The following DNAAF6 variants were observed in gnomAD, a reference collection of about 807,000 sequenced individuals.
The protein encoded by DNAAF6 is PIH1 domain containing 3.
In DNAAF6, 3 loss-of-function variants were observed where a neutral mutation model predicts 13.7. The observed-to-expected ratio is 0.22, with a 90% CI of 0.10 to 0.56. DNAAF6 has a LOEUF of 0.56. Among genes scored for constraint, DNAAF6 ranks in the 20% least tolerant of loss-of-function variants. The pLI is 0.92. For synonymous variants in DNAAF6, 54 were observed against 49.2 expected (o/e 1.10, Z -0.41); for missense variants, 130 against 151.0 (o/e 0.86, Z 0.73).
At position 107,212,982 on chromosome X, in the gene DNAAF6, C is replaced by A; in HGVS notation, c.107C>A (p.Ser36Tyr). The change falls in exon 2 of 7, where the codon TCT (serine) becomes TAT (tyrosine). Residue 36 changes from serine to tyrosine, a missense_variant. Transcript: ENST00000372453. ...TCAGTTACAGCTCTGGAAGCCCTCT[C>A]TAAGCTACTTAATCCTGAAGAAGAG... is the stretch of plus-strand genomic sequence containing the variant. ...VSSVTALEALSKLLNPEEEDD... is the reference protein window; with the variant it reads ...VSSVTALEALYKLLNPEEEDD... 8.3e-7 allele frequency: 1 copy of A among 1,206,996 alleles called. No individual in the cohort carries two copies. Among genetic ancestry groups the A allele is most frequent in the Non-Finnish European group, 1.1e-6 (1 of 893,637 alleles).
At chrX:107,215,261 A>G (rs1240127979) in intron 2 of DNAAF6, among the ~76,000 whole-genome samples, 2 of 111,318 alleles carry the variant, frequency 1.8e-5, no homozygotes, top group Non-Finnish European at 3.8e-5. Context: ...CTGTCCATGG[A>G]AAGTATACCA....
chrX:107,211,303 CA>C (rs774805311), intron 1 of DNAAF6, among the ~76,000 whole-genome samples: 19 of 111,864 alleles, frequency 1.7e-4, no homozygotes, highest in Non-Finnish European at 3.4e-4. Context: ...TATCAAAATA[CA>C]ATATCAACAA....
intron 5 of DNAAF6, among the ~76,000 whole-genome samples, chrX:107,230,581 G>C (rs953221655): frequency 3.6e-5 from 4 of 112,046 alleles, no homozygotes; most frequent in African/African-American, 1.3e-4. Context: ...TACTTGGGAG[G>C]CTGAGGCAGG....
At chrX:107,223,220 T>C (rs761212294) in intron 5 of DNAAF6, among the ~76,000 whole-genome samples, 1 of 111,854 alleles carries the variant, frequency 8.9e-6, no homozygotes, top group South Asian at 3.7e-4. Context: ...CAGAATGAAG[T>C]ATCTCCTTCC....
At chrX:107,218,430 T>C (rs188315467) in intron 3 of DNAAF6, among the ~76,000 whole-genome samples, 1 of 111,785 alleles carries the variant, frequency 8.9e-6, no homozygotes, top group African/African-American at 3.2e-5. Flanking sequence ...TCAGATTGAT[T>C]GTAGTTGTAA....
At chrX:107,218,834 G>A in intron 3 of DNAAF6, 30 bp from the exon 4 acceptor site, 18 of 1,165,432 alleles carry the variant, frequency 1.5e-5, no homozygotes, top group Middle Eastern at 2.4e-4. Context: ...AAAAGCATGA[G>A]CTTCAGCTTT....
intron 5 of DNAAF6, among the ~76,000 whole-genome samples, chrX:107,225,196 T>C (rs1928228744): frequency 9.1e-6 from 1 of 110,497 alleles, no homozygotes; most frequent in South Asian, 3.9e-4. Flanking sequence ...CTTTTATTTG[T>C]AGCTTGAATG....
intron 1 of DNAAF6, among the ~76,000 whole-genome samples, chrX:107,210,751 A>G (rs1301749809): frequency 9.0e-6 from 1 of 111,352 alleles, no homozygotes; most frequent in Non-Finnish European, 1.9e-5. Context: ...AAAAATCGCT[A>G]CACTGTACTA....
chrX:107,213,541 A>G (rs1307803192), intron 2 of DNAAF6, among the ~76,000 whole-genome samples: 1 of 112,045 alleles, frequency 8.9e-6, no homozygotes, highest in Non-Finnish European at 1.9e-5. Context: ...ATGCACAAAT[A>G]AAGTTGTGGA....
At chrX:107,215,804 ATTT>A (rs1223151941) in intron 2 of DNAAF6, among the ~76,000 whole-genome samples, 1 of 111,855 alleles carries the variant, frequency 8.9e-6, no homozygotes, top group Non-Finnish European at 1.9e-5. Context: ...GGAGATAAGA[ATTT>A]TTTGACTGCC....
intron 5 of DNAAF6, among the ~76,000 whole-genome samples, chrX:107,237,322 G>C (rs1472066539): frequency 1.8e-5 from 2 of 112,031 alleles, no homozygotes; most frequent in Admixed American, 9.5e-5. Flanking sequence ...AATATTTCAA[G>C]TCTTCTATCT....
At chrX:107,220,443 C>G (rs1173820409) in intron 4 of DNAAF6, among the ~76,000 whole-genome samples, 3 of 111,772 alleles carry the variant, frequency 2.7e-5, no homozygotes, top group Non-Finnish European at 5.6e-5. Context: ...CCCTTTTCAT[C>G]CTGATGTTTG....
intron 1 of DNAAF6, among the ~76,000 whole-genome samples, chrX:107,212,099 A>G (rs955031449): frequency 4.5e-5 from 5 of 111,656 alleles, no homozygotes; most frequent in African/African-American, 1.3e-4. Context: ...CCCACTGCTC[A>G]CACTGGCCTA....
chrX:107,219,679 A>C (rs1928076896), intron 4 of DNAAF6, among the ~76,000 whole-genome samples: 1 of 111,890 alleles, frequency 8.9e-6, no homozygotes, highest in Non-Finnish European at 1.9e-5. Flanking sequence ...TTGACTATTT[A>C]GAATAGCAGG....
At chrX:107,220,915 CTTT>C (rs1928111539) in intron 4 of DNAAF6, among the ~76,000 whole-genome samples, 1 of 24,279 alleles carries the variant, frequency 4.1e-5, no homozygotes, top group Non-Finnish European at 1.0e-4. Flanking sequence ...TTCTTTCTTT[CTTT>C]CTTTCTTTCT....
chrX:107,219,393 A>G lies in DNAAF6; in HGVS notation c.332+424A>G, dbSNP rs143234825. Among the ~76,000 whole-genome samples, 343 of 111,465 alleles carry G rather than the reference A, an allele frequency of 3.1e-3. 1 individual carries two copies. Among genetic ancestry groups the G allele is most frequent in the Non-Finnish European group, 5.0e-3 (266 of 53,087 alleles). On this transcript the variant is annotated intron_variant, in intron 4 of 6. Transcript: ENST00000372453. ...GGTAAAAGGCTATGTTCTCTCTCCA[A>G]TTATCAATTATTACCCAGACTTGTT...
In DNAAF6 at chrX:107,212,919, A is replaced by G. The variant is rs1317583240; in HGVS notation, c.44A>G (p.Asn15Ser). 8.3e-7 allele frequency: 1 copy of G among 1,203,501 alleles called. No homozygotes were observed. The highest frequency in any genetic ancestry group is 1.1e-6 in the Non-Finnish European group (1 of 892,317). ...GATTCTGAAAATATGAAGACAGAAA[A>G]TATGGAATCTCAAAATGTAGACTTT... ...NMDSENMKTE[N>S]MESQNVDFES... The change falls in exon 2 of 7, where the codon AAT (asparagine) becomes AGT (serine). Residue 15 changes from asparagine to serine, a missense_variant. Transcript: ENST00000372453.
Position 107,243,152 on chromosome X carries a change from T to G in DNAAF6, c.516-17T>G, listed in dbSNP as rs1221844250. On this transcript the variant is annotated splice_polypyrimidine_tract_variant and intron_variant, in intron 6 of 6. Coordinates refer to ENST00000372453, the MANE Select transcript of DNAAF6 (RefSeq NM_173494.2). The stretch of plus-strand genomic sequence containing the variant: ...CATTTTAGGAAGCTAAGGTTTTATT[T>G]TGTTGTTTTTTTTTAGGAAGCTGTT... 1.4e-5 allele frequency: 17 copies of G among 1,196,794 alleles called. No individual in the cohort carries two copies. Among genetic ancestry groups the G allele is most frequent in the Non-Finnish European group, 1.9e-5 (17 of 890,701 alleles).
In DNAAF6 at chrX:107,243,342, C is replaced by A; in HGVS notation, c.*44C>A. ...AAAAGTAGTAAAATGGCATTGGTAA[C>A]AATTAAAAAACTTTGAAAAAAATGA... On this transcript the variant is annotated 3_prime_UTR_variant, in exon 7 of 7. Transcript: ENST00000372453. 1 of 1,161,822 alleles carries A rather than the reference C, an allele frequency of 8.6e-7. No individual in the cohort carries two copies. Among genetic ancestry groups the A allele is most frequent in the Admixed American group, 2.7e-5 (1 of 36,413 alleles).
Sources: allele counts gnomAD v4.1 joint callset (sites outside exome capture counted in the v4.1 genomes callset), GRCh38; gene constraint gnomAD v4.1.1; transcripts MANE v1.5; gene names NCBI Gene and HGNC (gene_info 2026-07-23, HGNC 2026-07-21).